SLC35F2: variants seen among roughly 807,000 people sequenced by gnomAD.
SLC35F2 encodes the protein queuine/queuosine transporter SLC35F2.
In SLC35F2, 25 loss-of-function variants were observed where a neutral mutation model predicts 38.1. The ratio of observed to expected loss-of-function variants is 0.66; its 90% CI spans 0.48 to 0.92. The LOEUF is 0.92. Ranked by LOEUF, SLC35F2 falls within the 40% of genes least tolerant of loss-of-function variation. The pLI is 0.00. For missense variants in SLC35F2, 409 were observed against 452.9 expected (o/e 0.90, Z 0.88); for synonymous variants, 173 against 181.7 (o/e 0.95, Z 0.38).
At chr11:107,816,647 G>A (rs548281990) in intron 1 of SLC35F2, among the ~76,000 whole-genome samples, 1 of 152,068 alleles carries the variant, frequency 6.6e-6, no homozygotes, top group South Asian at 2.1e-4. Context: ...AGACAGAAGA[G>A]GCTAAAATAA....
In SLC35F2 at chr11:107,791,501, T is replaced by C. The variant is rs1046024627; in HGVS notation, c.*1114A>G. 3.3e-5 allele frequency: 5 copies of C among 152,136 alleles called. No homozygotes were observed. Among genetic ancestry groups the C allele is most frequent in the African/African-American group, 1.2e-4 (5 of 41,434 alleles). The allele number at this position is 152,136 out of a possible 1,614,324, so 9.4% of individuals were successfully genotyped here. On this transcript the variant is annotated 3_prime_UTR_variant, in exon 8 of 8. Coordinates refer to ENST00000525815, the MANE Select transcript of SLC35F2 (RefSeq NM_017515.5). ...CCTGGGACTGAAACTGTGGAGCACA[T>C]AGCCAGTGTCACAGGCTCCGAGAGC...
chr11:107,855,922 G>A (rs1187849702), intron 1 of SLC35F2, among the ~76,000 whole-genome samples: 2 of 151,598 alleles, frequency 1.3e-5, no homozygotes, highest in African/African-American at 4.8e-5. Context: ...AGACCAGCCT[G>A]GCCAACATGG....
At position 107,816,006 on chromosome 11, in the gene SLC35F2, G is replaced by A. The variant is rs772407909; in HGVS notation, c.111-41C>T. 20 of 1,429,664 alleles carry A rather than the reference G, an allele frequency of 1.4e-5. No individual in the cohort carries two copies. In the African/African-American group the frequency reaches 2.7e-4, roughly 20 times the overall value. 88.6% of individuals were successfully genotyped at this position (1,429,664 alleles called of 1,614,324 possible). On this transcript the variant is annotated intron_variant, in intron 1 of 7. Transcript: ENST00000525815. ...AGAAATCAGAACAGCATGCAAATAA[G>A]TTATACCTTACACACACACACACAC...
intron 7 of SLC35F2, among the ~76,000 whole-genome samples, chr11:107,800,134 C>T (rs146283909): frequency 0.059 from 9,008 of 151,794 alleles, 395 homozygotes; most frequent in Non-Finnish European, 0.086. Context: ...GTGATCCGCC[C>T]GCCTCGGCCT....
chr11:107,818,110 AAGAAAGAAAG>A (rs1565433252), intron 1 of SLC35F2, among the ~76,000 whole-genome samples: 8 of 135,386 alleles, frequency 5.9e-5, no homozygotes, highest in South Asian at 2.1e-4. Flanking sequence ...GAAAGAAAGA[AAGAAAGAAAG>A]AAAGAAAGAA....
Position 107,792,787 on chromosome 11 carries a change from T to A in SLC35F2, c.953A>T (p.Tyr318Phe). 1.3e-6 allele frequency: 2 copies of A among 1,577,654 alleles called. No individual in the cohort carries two copies. The highest frequency in any genetic ancestry group is 1.7e-6 in the Non-Finnish European group (2 of 1,159,398). Residue 318 changes from tyrosine to phenylalanine, a missense_variant, in exon 8 of 8, where the codon TAC becomes TTC. Transcript: ENST00000525815. ...CATGATGACAGTGAAGGACAGGATG[T>A]AGAGTCCTGAAAACTAGAAGGGAAG... ...FLFGYKFSGLYILSFTVIMVG... is the reference protein window; with the variant it reads ...FLFGYKFSGLFILSFTVIMVG...
At chr11:107,795,114 G>A (rs1859197425) in intron 7 of SLC35F2, among the ~76,000 whole-genome samples, 1 of 152,104 alleles carries the variant, frequency 6.6e-6, no homozygotes, top group African/African-American at 2.4e-5. Flanking sequence ...TGAGCATACT[G>A]CCCAAAGCAA....
chr11:107,810,869 C>T, intron 3 of SLC35F2: 1 of 981,764 alleles, frequency 1.0e-6, no homozygotes, highest in Non-Finnish European at 1.2e-6. Flanking sequence ...CAAGTAAGAA[C>T]ATCTCTGTAT....
chr11:107,799,681 C>T (rs79508247), intron 7 of SLC35F2, among the ~76,000 whole-genome samples: 1 of 152,002 alleles, frequency 6.6e-6, no homozygotes, highest in African/African-American at 2.4e-5. Context: ...ACCTCCACCT[C>T]CCGGGTTCAA....
At chr11:107,817,147 G>A (rs1859587305) in intron 1 of SLC35F2, among the ~76,000 whole-genome samples, 1 of 151,960 alleles carries the variant, frequency 6.6e-6, no homozygotes, top group Non-Finnish European at 1.5e-5. Context: ...GTGGTGGCAG[G>A]CGCCTGTAAT....
intron 1 of SLC35F2, among the ~76,000 whole-genome samples, chr11:107,857,958 G>A (rs1860320347): frequency 6.6e-6 from 1 of 152,142 alleles, no homozygotes; most frequent in East Asian, 1.9e-4. Flanking sequence ...CACTATTTAG[G>A]TCCTGGGTTC....
chr11:107,834,155 G>A (rs1373130712), intron 1 of SLC35F2, among the ~76,000 whole-genome samples: 1 of 152,186 alleles, frequency 6.6e-6, no homozygotes, highest in African/African-American at 2.4e-5. Flanking sequence ...ATTGGGTAAG[G>A]AGCCCTTAGT....
chr11:107,843,860 AAAAAAAAAATATATATATAT>A (rs1199353449), intron 1 of SLC35F2, among the ~76,000 whole-genome samples: 4 of 39,682 alleles, frequency 1.0e-4, no homozygotes, highest in African/African-American at 3.5e-4. Flanking sequence ...AAAAAAAAAA[AAAAAAAAAATATATATATAT>A]ATATATATAT....
chr11:107,805,702 C>G, intron 4 of SLC35F2, 187 bp from the exon 5 acceptor site: 16 of 979,918 alleles, frequency 1.6e-5, no homozygotes, highest in Non-Finnish European at 1.9e-5. Flanking sequence ...GTGTTTGAGA[C>G]AGTCTTGCTC....
chr11:107,833,518 C>CAAAAAAAAAAAAAAAAAAAAAAAAA (rs34376803), intron 1 of SLC35F2, among the ~76,000 whole-genome samples: 4 of 89,540 alleles, frequency 4.5e-5, no homozygotes, highest in African/African-American at 1.5e-4. Flanking sequence ...GACTCTGTCT[C>CAAAAAAAAAAAAAAAAAAAAAAAAA]AAAAAAAAAA....
chr11:107,827,037 T>TA (rs1859763384), intron 1 of SLC35F2, among the ~76,000 whole-genome samples: 1 of 152,128 alleles, frequency 6.6e-6, no homozygotes, highest in Admixed American at 6.5e-5. Flanking sequence ...ATATCGTATA[T>TA]ACATACATAT....
At chr11:107,830,763 G>T (rs12288010) in intron 1 of SLC35F2, among the ~76,000 whole-genome samples, 2 of 152,022 alleles carry the variant, frequency 1.3e-5, no homozygotes, top group East Asian at 3.9e-4. Flanking sequence ...ACCAAGTGTG[G>T]TAACAATCAT....
At chr11:107,854,358 C>T (rs866927374) in intron 1 of SLC35F2, among the ~76,000 whole-genome samples, 3 of 151,946 alleles carry the variant, frequency 2.0e-5, no homozygotes, top group East Asian at 1.9e-4. Context: ...ACTTGAGCCA[C>T]GGAGGTCGAG....
At chr11:107,856,098 T>C (rs1400916206) in intron 1 of SLC35F2, among the ~76,000 whole-genome samples, 5 of 119,566 alleles carry the variant, frequency 4.2e-5, no homozygotes, top group Admixed American at 9.3e-5. Context: ...AGAGCAAAAC[T>C]CTGTCTCAAA....
Sources: allele counts gnomAD v4.1 joint callset (sites outside exome capture counted in the v4.1 genomes callset), GRCh38; gene constraint gnomAD v4.1.1; transcripts MANE v1.5; gene names NCBI Gene and HGNC (gene_info 2026-07-23, HGNC 2026-07-21).